Variants in KIAA1671 observed in about 807,000 individuals in gnomAD.
KIAA1671 encodes the protein KIAA1671, also known as uncharacterized protein KIAA1671.
KIAA1671 carries 52 observed loss-of-function variants against 131.2 expected under a neutral mutation model. The ratio of observed to expected loss-of-function variants is 0.40; its 90% CI spans 0.32 to 0.50. The LOEUF is 0.50. KIAA1671 is among the 20% of genes least tolerant of loss of function. The pLI is 0.73. For synonymous variants in KIAA1671, 1,003 were observed against 961.6 expected (o/e 1.04, Z -0.80); for missense variants, 2,360 against 2,364.2 (o/e 1.00, Z 0.04).
chr22:25,023,605 A>C (rs1421876989), intron 1 of KIAA1671: 1 of 152,206 alleles, frequency 6.6e-6, no homozygotes, highest in African/African-American at 2.4e-5. Context: ...ATAGGTTTCT[A>C]GGTTTGGCTA....
At chr22:24,991,350 C>G (rs1249219672) in intron 1 of KIAA1671, among the ~76,000 whole-genome samples, 2 of 151,912 alleles carry the variant, frequency 1.3e-5, no homozygotes, top group Non-Finnish European at 2.9e-5. Flanking sequence ...TAGGAATGTC[C>G]CCTCTTTTTC....
At chr22:25,154,793 C>T (rs1485320859) in intron 6 of KIAA1671, among the ~76,000 whole-genome samples, 1 of 151,888 alleles carries the variant, frequency 6.6e-6, no homozygotes, top group Non-Finnish European at 1.5e-5. Flanking sequence ...AGACTCCATT[C>T]ATGCTGAGCT....
chr22:25,124,125 C>T (rs1052221181), intron 6 of KIAA1671, among the ~76,000 whole-genome samples: 1 of 152,160 alleles, frequency 6.6e-6, no homozygotes, highest in South Asian at 2.1e-4. Context: ...AGCAGCTCAC[C>T]CTTTTAGGAG....
At chr22:24,982,690 G>C (rs1379728579) in intron 1 of KIAA1671, among the ~76,000 whole-genome samples, 2 of 152,210 alleles carry the variant, frequency 1.3e-5, no homozygotes, top group Non-Finnish European at 2.9e-5. Flanking sequence ...GAGGACCCAA[G>C]AGGCTTTTAT....
At chr22:25,177,258 A>G in intron 8 of KIAA1671, 90 bp from the exon 9 acceptor site, 2 of 1,271,664 alleles carry the variant, frequency 1.6e-6, no homozygotes, top group Non-Finnish European at 2.1e-6. Flanking sequence ...CTCATCTGTC[A>G]ACGAAGCTGT....
chr22:25,014,443 C>G (rs1218065379), intron 1 of KIAA1671: 1 of 151,936 alleles, frequency 6.6e-6, no homozygotes, highest in Non-Finnish European at 1.5e-5. Flanking sequence ...GGGTCTTACT[C>G]TGTCACCCAG....
intron 6 of KIAA1671, chr22:25,061,292 A>G (rs187331837): frequency 6.1e-4 from 93 of 152,242 alleles, no homozygotes; most frequent in Admixed American, 6.0e-3. Context: ...GAATAGGGAC[A>G]TTTTGTCATA....
At chr22:25,012,843 G>A (rs1925108833) in intron 1 of KIAA1671, 1 of 152,188 alleles carries the variant, frequency 6.6e-6, no homozygotes, top group Non-Finnish European at 1.5e-5. Flanking sequence ...ACTTCTGAAA[G>A]CTCCCATGAG....
chr22:24,961,741 C>T (rs1300827735), intron 1 of KIAA1671, among the ~76,000 whole-genome samples: 1 of 152,244 alleles, frequency 6.6e-6, no homozygotes, highest in African/African-American at 2.4e-5. Context: ...AAGTCTACTC[C>T]TCTCATGGAG....
chr22:25,172,223 G>T (rs898923503), intron 7 of KIAA1671, among the ~76,000 whole-genome samples: 9 of 152,086 alleles, frequency 5.9e-5, no homozygotes, highest in African/African-American at 2.2e-4. Context: ...CCTCTCTCGG[G>T]GTCTCCATTC....
intron 6 of KIAA1671, among the ~76,000 whole-genome samples, chr22:25,118,336 A>G (rs1304728636): frequency 1.3e-5 from 2 of 151,966 alleles, no homozygotes; most frequent in African/African-American, 4.8e-5. Flanking sequence ...GTCTCTGGTA[A>G]GGACACTTGT....
intron 6 of KIAA1671, among the ~76,000 whole-genome samples, chr22:25,089,266 A>ATTTT (rs34941122): frequency 1.1e-4 from 10 of 89,262 alleles, no homozygotes; most frequent in African/African-American, 2.9e-4. Flanking sequence ...TGTGTGTTTA[A>ATTTT]TTTTTTTTTT....
chr22:25,081,189 C>G (rs1169243152), intron 6 of KIAA1671, among the ~76,000 whole-genome samples: 1 of 152,218 alleles, frequency 6.6e-6, no homozygotes, highest in Non-Finnish European at 1.5e-5. Flanking sequence ...TATTTGCCCT[C>G]TCTGGGACTC....
intron 2 of KIAA1671, among the ~76,000 whole-genome samples, chr22:25,026,731 A>AG (rs1280013584): frequency 2.2e-4 from 31 of 144,132 alleles, no homozygotes; most frequent in African/African-American, 7.6e-4. Flanking sequence ...ACTTGGTCTC[A>AG]AAAAAAAAAA....
intron 6 of KIAA1671, among the ~76,000 whole-genome samples, chr22:25,160,798 A>G (rs926317356): frequency 6.6e-6 from 1 of 152,182 alleles, no homozygotes; most frequent in Non-Finnish European, 1.5e-5. Context: ...CTGTCCCACA[A>G]CTTTCCCTAA....
intron 9 of KIAA1671, among the ~76,000 whole-genome samples, chr22:25,178,374 C>G (rs911714300): frequency 6.6e-6 from 1 of 152,320 alleles, no homozygotes; most frequent in African/African-American, 2.4e-5. Context: ...GGGCAGCGGT[C>G]CCACAAAATC....
At chr22:25,048,431 G>C (rs1296970473) in intron 5 of KIAA1671, among the ~76,000 whole-genome samples, 1 of 152,200 alleles carries the variant, frequency 6.6e-6, no homozygotes, top group Non-Finnish European at 1.5e-5. Flanking sequence ...AGGGGGTTAG[G>C]AGGAAAACCA....
chr22:25,135,334 C>G (rs963736710), intron 6 of KIAA1671, among the ~76,000 whole-genome samples: 10 of 152,084 alleles, frequency 6.6e-5, no homozygotes, highest in African/African-American at 2.4e-4. Flanking sequence ...TACAGGCGCC[C>G]GCCACCAAGC....
chr22:25,029,636 C>A lies in KIAA1671; in HGVS notation c.1541+96C>A, dbSNP rs936405073. 523 of 871,808 alleles carry A rather than the reference C, an allele frequency of 6.0e-4. No individual in the cohort carries two copies. In the African/African-American group the frequency reaches 8.0e-3, roughly 13 times the overall value. The allele number at this position is 871,808 out of a possible 1,614,324, so 54.0% of individuals were successfully genotyped here. ...TCCATGCTGGGCACTTGTCACCCCCCCTCAGTTTACCCATAGCCCAAGAGG... is the reference window on the plus strand; with the variant it reads ...TCCATGCTGGGCACTTGTCACCCCCACTCAGTTTACCCATAGCCCAAGAGG... On this transcript the variant is annotated intron_variant, in intron 3 of 12. Transcript: ENST00000358431.
Sources: allele counts gnomAD v4.1 joint callset (sites outside exome capture counted in the v4.1 genomes callset), GRCh38; gene constraint gnomAD v4.1.1; transcripts MANE v1.5; gene names NCBI Gene and HGNC (gene_info 2026-07-23, HGNC 2026-07-21).